Variants in ERG observed in about 807,000 individuals in gnomAD.
ERG encodes ETS transcription factor ERG, also known as transcriptional regulator ERG.
In ERG, 9 loss-of-function variants were observed where a neutral mutation model predicts 55.3. The ratio of observed to expected loss-of-function variants is 0.16; its 90% CI spans 0.10 to 0.28. The LOEUF (loss-of-function observed/expected upper bound fraction) is 0.28, where lower values mean the gene tolerates loss of function less well. Ranked by LOEUF, ERG falls within the 10% of genes least tolerant of loss-of-function variation. The probability of loss-of-function intolerance (pLI) is 1.00; values close to 1 mark genes in which losing one functional copy is unlikely to be tolerated. For synonymous variants in ERG, 223 were observed against 237.3 expected, an observed-to-expected ratio of 0.94 and a Z score of 0.55; for missense variants, 434 against 631.6, an observed-to-expected ratio of 0.69 and a Z score of 3.35.
intron 1 of ERG, among the ~76,000 whole-genome samples, chr21:38,474,520 CCTGCCTCTCTT>C (rs2059169661): frequency 6.6e-6 from 1 of 152,156 alleles, no homozygotes; most frequent in Non-Finnish European, 1.5e-5. Flanking sequence ...AGACTTTCAC[CCTGCCTCTCTT>C]CTCCTCAACT....
chr21:38,392,387 G>A lies in ERG; in HGVS notation c.803C>T (p.Pro268Leu), dbSNP rs1988015070. The A allele has an allele frequency of 2.6e-6, 4 of 1,566,328 alleles. No individual in the cohort carries two copies. The highest frequency in any genetic ancestry group is 1.4e-5 in the African/African-American group (1 of 73,772). Residue 268 changes from proline to leucine, a missense_variant, in exon 7 of 10, where the codon CCC becomes CTC. Around this residue, in one of 5 missense-constraint regions of ERG, gnomAD observed 99 missense variants for 145.6 expected, o/e 0.68. Coordinates refer to ENST00000288319, the MANE Select transcript of ERG (RefSeq NM_182918.4). Reference protein sequence around the residue: ...SAWTGHGHPTPQSKAAQPSPS... With the variant: ...SAWTGHGHPTLQSKAAQPSPS... ...AGCCAACACTGTACCTTTCGACTGG[G>A]GCGTGGGGTGGCCGTGACCGGTCCA...
At chr21:38,484,058 C>T (rs1425949310) in intron 1 of ERG, among the ~76,000 whole-genome samples, 2 of 152,132 alleles carry the variant, frequency 1.3e-5, no homozygotes, top group African/African-American at 4.8e-5. Flanking sequence ...GGTTACATGA[C>T]AACAGCCACA....
chr21:38,395,199 C>A (rs753629489), intron 6 of ERG, among the ~76,000 whole-genome samples: 1 of 152,162 alleles, frequency 6.6e-6, no homozygotes, highest in Admixed American at 6.5e-5. Flanking sequence ...TATCGGCTAC[C>A]GATCACATGC....
chr21:38,501,646 G>A (rs998316036), upstream of ERG, among the ~76,000 whole-genome samples: 6 of 152,180 alleles, frequency 3.9e-5, no homozygotes, highest in Non-Finnish European at 5.9e-5. Flanking sequence ...CCTGAGGCCC[G>A]TCCTGCCATG....
At chr21:38,522,547 C>T (rs1164285517) in intron 2 of ERG, among the ~76,000 whole-genome samples, 4 of 152,058 alleles carry the variant, frequency 2.6e-5, no homozygotes, top group Non-Finnish European at 4.4e-5. Flanking sequence ...TGGATATTGC[C>T]ATAACTGCTT....
chr21:38,609,303 A>C (rs2060212648), intron 1 of ERG, among the ~76,000 whole-genome samples: 1 of 152,194 alleles, frequency 6.6e-6, no homozygotes, highest in Non-Finnish European at 1.5e-5. Context: ...ACCAAACTGA[A>C]AATACATACT....
intron 1 of ERG, among the ~76,000 whole-genome samples, chr21:38,661,383 A>G (rs1271458626): frequency 6.6e-6 from 1 of 152,200 alleles, no homozygotes; most frequent in Non-Finnish European, 1.5e-5. Context: ...GACGTCGCGC[A>G]GAGCGTCCGG....
chr21:38,539,745 A>T (rs1350130535), intron 2 of ERG, among the ~76,000 whole-genome samples: 1 of 151,956 alleles, frequency 6.6e-6, no homozygotes, highest in Non-Finnish European at 1.5e-5. Context: ...ATAGACGAGG[A>T]GCGGCTCTCA....
At chr21:38,635,903 G>C (rs894263955) in intron 1 of ERG, among the ~76,000 whole-genome samples, 2 of 152,128 alleles carry the variant, frequency 1.3e-5, no homozygotes, top group African/African-American at 4.8e-5. Context: ...CACAATTTGG[G>C]GGAGGTGATT....
chr21:38,578,660 C>A (rs1020154315), intron 1 of ERG, among the ~76,000 whole-genome samples: 13 of 152,202 alleles, frequency 8.5e-5, no homozygotes, highest in Admixed American at 7.8e-4. Context: ...ACCCCAATCA[C>A]CCCACCAAGA....
intron 1 of ERG, among the ~76,000 whole-genome samples, chr21:38,450,205 C>CA (rs1286193702): frequency 0.014 from 943 of 65,490 alleles, 5 homozygotes; most frequent in East Asian, 0.028. Flanking sequence ...TACAAAAATC[C>CA]AAAAAAAAAA....
downstream of ERG, among the ~76,000 whole-genome samples, chr21:38,376,232 C>G (rs1170799453): frequency 1.3e-5 from 2 of 152,114 alleles, no homozygotes; most frequent in Non-Finnish European, 1.5e-5. Context: ...GGCCCAGGGT[C>G]TCAGGTTAGA....
chr21:38,511,962 G>A (rs1418342662), intron 2 of ERG, among the ~76,000 whole-genome samples: 1 of 152,214 alleles, frequency 6.6e-6, no homozygotes, highest in Non-Finnish European at 1.5e-5. Flanking sequence ...GAGAACCACT[G>A]GAACAGAGCA....
At chr21:38,568,017 C>A (rs1302252264) in intron 2 of ERG, among the ~76,000 whole-genome samples, 1 of 152,130 alleles carries the variant, frequency 6.6e-6, no homozygotes, top group African/African-American at 2.4e-5. Context: ...GAGCGGCAGC[C>A]GTGGAACAAT....
At chr21:38,626,024 C>T (rs561633906) in intron 1 of ERG, among the ~76,000 whole-genome samples, 2 of 147,562 alleles carry the variant, frequency 1.4e-5, no homozygotes, top group African/African-American at 2.5e-5. Context: ...CCAGTTCAAG[C>T]GATTCTCCTG....
the ERG span, among the ~76,000 whole-genome samples, chr21:38,373,176 T>A: frequency 2.8e-3 from 428 of 152,342 alleles, 1 homozygote; most frequent in African/African-American, 1.0e-2. Flanking sequence ...TTCCTGTAAG[T>A]ATCCAGGACT....
chr21:38,501,110 G>C (rs2059417781), upstream of ERG, among the ~76,000 whole-genome samples: 1 of 131,994 alleles, frequency 7.6e-6, no homozygotes, highest in Non-Finnish European at 1.5e-5. Context: ...CTGTCGCCCA[G>C]GCTGGAGTGC....
At chr21:38,467,232 A>C (rs1408784638) in intron 1 of ERG, among the ~76,000 whole-genome samples, 1 of 152,216 alleles carries the variant, frequency 6.6e-6, no homozygotes, top group Non-Finnish European at 1.5e-5. Flanking sequence ...TCAATGCAAA[A>C]GTCTTGTGCT....
At position 38,382,603 on chromosome 21, in the gene ERG, C is replaced by T. The variant is rs1052895059; in HGVS notation, c.*800G>A. The T allele has an allele frequency of 9.4e-7, 1 of 1,066,240 alleles. No individual in the cohort carries two copies. The highest frequency in any genetic ancestry group is 1.1e-6 in the Non-Finnish European group (1 of 879,594). The allele number at this position is 1,066,240 out of a possible 1,614,324, so 66.0% of individuals were successfully genotyped here. On this transcript the variant is annotated 3_prime_UTR_variant, in exon 10 of 10. Transcript: ENST00000288319. ...CCTCGAGTCTCCATAACTCATTGTA[C>T]ACAGTCCCCAAATGTCCTGAGTCCA...
Sources: allele counts gnomAD v4.1 joint callset (sites outside exome capture counted in the v4.1 genomes callset), GRCh38; gene constraint gnomAD v4.1.1; regional missense constraint gnomAD v4.1.1; transcripts MANE v1.5; gene names NCBI Gene and HGNC (gene_info 2026-07-23, HGNC 2026-07-21).